The following RER1 variants were observed in gnomAD, a reference collection of about 807,000 sequenced individuals.
The protein encoded by RER1 is retention in endoplasmic reticulum sorting receptor 1, also known as protein RER1.
A neutral mutation model predicts 28.3 loss-of-function variants in RER1; 6 were observed. The ratio of observed to expected loss-of-function variants is 0.21; its 90% confidence interval spans 0.12 to 0.42. The LOEUF (loss-of-function observed/expected upper bound fraction) is 0.42, where lower values mean the gene tolerates loss of function less well. RER1 is among the 10% of genes least tolerant of loss of function. The probability of loss-of-function intolerance (pLI) is 1.00; values close to 1 mark genes in which losing one functional copy is unlikely to be tolerated. For synonymous variants in RER1, 110 were observed against 95.9 expected (o/e 1.15, Z -0.86); for missense variants, 159 against 252.9 (o/e 0.63, Z 2.52).
intron 4 of RER1, among the ~76,000 whole-genome samples, 170 bp from the exon 5 acceptor site, chr1:2,400,687 G>A (rs376695301): frequency 1.3e-5 from 2 of 152,334 alleles, no homozygotes; most frequent in African/African-American, 4.8e-5. Context: ...GCAGTGAATT[G>A]GATGTGTCAG....
chr1:2,397,917 T>C (rs772608863), intron 3 of RER1, among the ~76,000 whole-genome samples: 14 of 152,340 alleles, frequency 9.2e-5, no homozygotes, highest in Non-Finnish European at 1.6e-4. Context: ...GAAAGCCTTG[T>C]CTGGGCTATT....
At chr1:2,397,332 C>G in intron 3 of RER1, 112 bp downstream of exon 3, 1 of 718,318 alleles carries the variant, frequency 1.4e-6, no homozygotes, top group Non-Finnish European at 2.6e-6. Flanking sequence ...CTCTAGTAAT[C>G]AATTTTCAGC....
At chr1:2,400,696 A>G (rs1271394233) in intron 4 of RER1, among the ~76,000 whole-genome samples, 161 bp from the exon 5 acceptor site, 2 of 152,216 alleles carry the variant, frequency 1.3e-5, no homozygotes, top group African/African-American at 2.4e-5. Context: ...TGGATGTGTC[A>G]GTTGACCACA....
At chr1:2,398,019 C>T (rs1450537342) in intron 3 of RER1, among the ~76,000 whole-genome samples, 1 of 152,206 alleles carries the variant, frequency 6.6e-6, no homozygotes, top group East Asian at 1.9e-4. Context: ...GGAACTGGGT[C>T]CATTCTCTGA....
intron 3 of RER1, among the ~76,000 whole-genome samples, chr1:2,398,687 CAG>C (rs963448338): frequency 1.8e-4 from 27 of 152,374 alleles, no homozygotes; most frequent in Admixed American, 5.2e-4. Flanking sequence ...CCACACCCGA[CAG>C]AAATTTAAGG....
chr1:2,396,138 C>T (rs1462351770), intron 2 of RER1: 2 of 446,496 alleles, frequency 4.5e-6, no homozygotes, highest in South Asian at 2.3e-5. Context: ...AACCCAGTCT[C>T]AGCTCCCAGG....
chr1:2,401,876 A>G, intron 5 of RER1: 1 of 699,162 alleles, frequency 1.4e-6, no homozygotes, highest in East Asian at 2.7e-5. Context: ...GGTCCACAAG[A>G]CACAGCCTGG....
At chr1:2,398,368 T>TG (rs1642799225) in intron 3 of RER1, among the ~76,000 whole-genome samples, 1 of 152,222 alleles carries the variant, frequency 6.6e-6, no homozygotes, top group South Asian at 2.1e-4. Context: ...CTTGTTTGTA[T>TG]AAGAAAGTTA....
At chr1:2,397,307 C>T (rs1190254437) in intron 3 of RER1, 87 bp downstream of exon 3, 5 of 883,080 alleles carry the variant, frequency 5.7e-6, no homozygotes, top group Non-Finnish European at 9.6e-6. Flanking sequence ...TCCAGTCTGT[C>T]TTGCAGGAAG....
intron 4 of RER1, among the ~76,000 whole-genome samples, chr1:2,400,489 C>T (rs969974252): frequency 5.3e-5 from 8 of 152,380 alleles, no homozygotes; most frequent in Admixed American, 4.6e-4. Flanking sequence ...GCCCGGGTTC[C>T]ACGGTCAGCG....
rs1570086812 is a variant in RER1 at position 2,402,455 on chromosome 1, A to G, written c.501+113A>G. Reference sequence around the variant, plus strand: ...TGGTGGCAGAGTCTGCCTGGTGTGAATGTGGAGCTAAGTGGCACCGTCTTG... The same window carrying G: ...TGGTGGCAGAGTCTGCCTGGTGTGAGTGTGGAGCTAAGTGGCACCGTCTTG... On this transcript the variant is annotated intron_variant, in intron 6 of 6. Transcript: ENST00000605895. The G allele has an allele frequency of 1.4e-5, 19 of 1,390,858 alleles. 1 individual carries two copies. The South Asian group carries it at 1.8e-4, about 13-fold the overall frequency. The allele number at this position is 1,390,858 out of a possible 1,614,324, so 86.2% of individuals were successfully genotyped here.
At chr1:2,395,713 GTGAAA>G in intron 1 of RER1, 66 bp from the exon 2 acceptor site, 1 of 1,063,228 alleles carries the variant, frequency 9.4e-7, no homozygotes, top group African/African-American at 1.5e-5. Flanking sequence ...GACAGTGTTG[GTGAAA>G]ATAGGGCCAG....
chr1:2,397,180 G>T lies in RER1; in HGVS notation c.146G>T (p.Gly49Val). 6.2e-7 allele frequency: 1 copy of T among 1,614,100 alleles called. No homozygotes were observed. Among genetic ancestry groups the T allele is most frequent in the East Asian group, 2.2e-5 (1 of 44,870 alleles). The change falls in exon 3 of 7, where the codon GGC becomes GTC. Residue 49 changes from glycine to valine, a missense_variant. Transcript: ENST00000605895. ...GCTGTGCGATGGGTCGTGACACTGG[G>T]CCTGAGCTTTGTCTACATGATTCGA... Reference protein sequence around the residue: ...YTAVRWVVTLGLSFVYMIRVY... With the variant: ...YTAVRWVVTLVLSFVYMIRVY...
At chr1:2,401,020 C>G in intron 5 of RER1, 85 bp downstream of exon 5, 2 of 1,168,198 alleles carry the variant, frequency 1.7e-6, no homozygotes, top group Admixed American at 3.4e-5. Flanking sequence ...GTTCAAGTCA[C>G]CTGAAAGATG....
chr1:2,397,324 C>G (rs1642781233), intron 3 of RER1, 104 bp downstream of exon 3: 3 of 758,360 alleles, frequency 4.0e-6, no homozygotes, highest in Non-Finnish European at 7.2e-6. Flanking sequence ...GAAGTGGTCT[C>G]TAGTAATCAA....
chr1:2,394,952 C>G (rs1050592468), intron 1 of RER1: 1 of 152,344 alleles, frequency 6.6e-6, no homozygotes, highest in Non-Finnish European at 1.5e-5. Flanking sequence ...CGTCTCCTCT[C>G]AGGAGTGGGG....
At position 2,403,535 on chromosome 1, in the gene RER1, C is replaced by A; in HGVS notation, c.*411C>A. On this transcript the variant is annotated 3_prime_UTR_variant, in exon 7 of 7. Coordinates refer to ENST00000605895, the MANE Select transcript of RER1 (RefSeq NM_007033.5). ...GTGGTGCCAGCCACTCCACAGAGCC[C>A]GAGGGATGATCTAGCCTGATTCCTG... 1 of 264,470 alleles carries A rather than the reference C, an allele frequency of 3.8e-6. No homozygotes were observed. The highest frequency in any genetic ancestry group is 7.5e-6 in the Non-Finnish European group (1 of 133,646). The allele number at this position is 264,470 out of a possible 1,614,324, so 16.4% of individuals were successfully genotyped here.
At chr1:2,396,021 T>C (rs1409383980) in intron 2 of RER1, 150 bp downstream of exon 2, 8 of 676,788 alleles carry the variant, frequency 1.2e-5, no homozygotes, top group Non-Finnish European at 2.1e-5. Flanking sequence ...TTCTCTTCAC[T>C]GTGAAGGGCC....
intron 4 of RER1, 69 bp downstream of exon 4, chr1:2,399,583 G>A: frequency 1.1e-6 from 1 of 944,248 alleles, no homozygotes. Context: ...GGATTGCCCA[G>A]TGTTCTCTGG....
Sources: allele counts gnomAD v4.1 joint callset (sites outside exome capture counted in the v4.1 genomes callset), GRCh38; gene constraint gnomAD v4.1.1; transcripts MANE v1.5; gene names NCBI Gene and HGNC (gene_info 2026-07-23, HGNC 2026-07-21).